Variants in FXR1 observed in about 807,000 individuals in gnomAD.
FXR1 encodes the protein FMR1 autosomal homolog 1.
In FXR1, 15 loss-of-function variants were observed where a neutral mutation model predicts 84.0. The observed-to-expected ratio is 0.18, with a 90% CI of 0.12 to 0.27. The LOEUF is 0.27. Among genes scored for constraint, FXR1 ranks in the 10% least tolerant of loss-of-function variants. FXR1 has a pLI of 1.00. For missense variants in FXR1, 480 were observed against 774.4 expected (o/e 0.62, Z 4.51); for synonymous variants, 245 against 250.7 (o/e 0.98, Z 0.21).
rs773513989 is a variant in FXR1, at chr3:180,968,047, C to T, written c.1199-4C>T. The T allele has an allele frequency of 1.2e-5, 19 of 1,590,928 alleles. No individual in the cohort carries two copies. Among genetic ancestry groups the T allele is most frequent in the Non-Finnish European group, 1.6e-5 (19 of 1,160,298 alleles). ...AAGTGGTTTATGTTCTTTTCTTTTC[C>T]AAGGTACAAATTCTGAGCTGTCTAA... On this transcript the variant is annotated splice_polypyrimidine_tract_variant and splice_region_variant and intron_variant, in intron 13 of 16. Transcript: ENST00000357559.
chr3:180,948,101 T>C (rs975509756), intron 4 of FXR1, 165 bp downstream of exon 4: 8 of 612,278 alleles, frequency 1.3e-5, no homozygotes, highest in African/African-American at 3.7e-5. Flanking sequence ...GTGTTCTGTA[T>C]TGGCAAACAC....
At chr3:180,923,346 C>T (rs911443081) in intron 1 of FXR1, among the ~76,000 whole-genome samples, 8 of 152,100 alleles carry the variant, frequency 5.3e-5, no homozygotes, top group Non-Finnish European at 7.4e-5. Context: ...ACAGAGATCT[C>T]GAGAAGGGAA....
intron 1 of FXR1, among the ~76,000 whole-genome samples, chr3:180,921,489 T>C (rs1718587039): frequency 6.6e-6 from 1 of 152,236 alleles, no homozygotes; most frequent in South Asian, 2.1e-4. Flanking sequence ...TTTTACTTTG[T>C]AGATTTAGTT....
intron 1 of FXR1, among the ~76,000 whole-genome samples, chr3:180,919,288 G>GTTTT (rs3071953): frequency 1.5e-5 from 2 of 135,652 alleles, no homozygotes; most frequent in East Asian, 2.1e-4. Flanking sequence ...TTTTATTTTT[G>GTTTT]TTTTTTTTTT....
At position 180,968,073 on chromosome 3, in the gene FXR1, C is replaced by T. The variant is rs1413280648; in HGVS notation, c.1221C>T (p.Asn407=). 6.2e-7 allele frequency: 1 copy of T among 1,611,358 alleles called. No homozygotes were observed. The highest frequency in any genetic ancestry group is 1.1e-5 in the South Asian group (1 of 91,044). The change falls in exon 14 of 17, where the codon AAC becomes AAT. Residue 407 remains asparagine, a synonymous_variant. Coordinates refer to ENST00000357559, the MANE Select transcript of FXR1 (RefSeq NM_005087.4). The part of the protein sequence containing the change: ...SGYGTNSELS[N]PSETESERKD... ...AAGGTACAAATTCTGAGCTGTCTAA[C>T]CCCTCTGAAACGGAATCTGAGCGTA...
In FXR1 at chr3:180,980,258, T is replaced by C. The variant is rs1316639596; in HGVS notation, c.*3966T>C. On this transcript the variant is annotated 3_prime_UTR_variant, in exon 17 of 17. Transcript: ENST00000357559. ...CCATCCCAGACATTTTCAACTATGCTGAATGCAATCTATAAGATATTCCAA... is the reference window on the plus strand; with the variant it reads ...CCATCCCAGACATTTTCAACTATGCCGAATGCAATCTATAAGATATTCCAA... The C allele has an allele frequency of 6.6e-6, 1 of 152,100 alleles. No homozygotes were observed. Among genetic ancestry groups the C allele is most frequent in the Non-Finnish European group, 1.5e-5 (1 of 67,966 alleles). The allele number at this position is 152,100 out of a possible 1,614,324, so 9.4% of individuals were successfully genotyped here. A position where few individuals can be genotyped will look rare whatever the true frequency, so the allele number is the denominator to read the frequency against.
chr3:180,937,102 A>G (rs974327235), intron 3 of FXR1, among the ~76,000 whole-genome samples: 36 of 152,188 alleles, frequency 2.4e-4, no homozygotes, highest in Non-Finnish European at 2.8e-4. Flanking sequence ...TGTATCTCTA[A>G]TAGTTTTCTG....
chr3:180,972,643 CAG>C (rs1315514858), intron 15 of FXR1, among the ~76,000 whole-genome samples: 1 of 152,102 alleles, frequency 6.6e-6, no homozygotes, highest in Non-Finnish European at 1.5e-5. Flanking sequence ...AAAGGAGTAA[CAG>C]TGGGGTTTGT....
chr3:180,926,495 TATATATA>T (rs1404504333), intron 1 of FXR1, among the ~76,000 whole-genome samples: 21 of 109,618 alleles, frequency 1.9e-4, no homozygotes, highest in Middle Eastern at 4.3e-3. Context: ...TATATATATA[TATATATA>T]TATATTTTTT....
intron 1 of FXR1, among the ~76,000 whole-genome samples, chr3:180,917,033 A>G (rs952490206): frequency 9.2e-5 from 14 of 151,820 alleles, no homozygotes; most frequent in African/African-American, 3.1e-4. Flanking sequence ...ACGGAGTTTC[A>G]CCATGTTGGC....
At chr3:180,945,456 G>A (rs1721599707) in intron 3 of FXR1, among the ~76,000 whole-genome samples, 1 of 152,014 alleles carries the variant, frequency 6.6e-6, no homozygotes, top group Non-Finnish European at 1.5e-5. Flanking sequence ...CCAGGGTTGA[G>A]TGTAGTGGTA....
At chr3:180,926,506 A>ATATATATTTTTTTTTTTTTTT (rs72192827) in intron 1 of FXR1, among the ~76,000 whole-genome samples, 1 of 124,394 alleles carries the variant, frequency 8.0e-6, no homozygotes, top group African/African-American at 2.9e-5. Flanking sequence ...ATATATATAT[A>ATATATATTTTTTTTTTTTTTT]TTTTTTTTTC....
At chr3:180,913,492 C>T (rs191873497) in intron 1 of FXR1, among the ~76,000 whole-genome samples, 3 of 152,016 alleles carry the variant, frequency 2.0e-5, no homozygotes, top group East Asian at 1.9e-4. Flanking sequence ...TATCACTGCC[C>T]CTGTTTTTGG....
chr3:180,919,113 C>T (rs1222461360), intron 1 of FXR1, among the ~76,000 whole-genome samples: 2 of 152,126 alleles, frequency 1.3e-5, no homozygotes, highest in Non-Finnish European at 2.9e-5. Flanking sequence ...ATGATTTGAG[C>T]TATGCCTTTG....
intron 8 of FXR1, among the ~76,000 whole-genome samples, chr3:180,952,942 C>G (rs972465958): frequency 3.3e-5 from 5 of 151,220 alleles, no homozygotes; most frequent in African/African-American, 9.7e-5. Flanking sequence ...AAGCCATCCT[C>G]TGGCCTCAGC....
Position 180,961,521 on chromosome 3 carries a change from G to C in FXR1, c.1044G>C (p.Gln348His), listed in dbSNP as rs1380164476. Residue 348 changes from glutamine (Q) to histidine (H), a missense_variant, in exon 11 of 17, where the codon CAG becomes CAC. By Grantham distance (24) the Gln-to-His change is conservative. This residue lies in a region of FXR1 where 33 missense variants were observed against 42.4 expected (regional missense o/e 0.78). Transcript: ENST00000357559. ...CTAAAGAAAGCATTGGAAATGTGCA[G>C]GTTCTTCTAGAGTATCATATTGCCT... ...VGTKESIGNV[Q>H]VLLEYHIAYL... is the part of the protein sequence containing the mutation. 1.3e-6 allele frequency: 2 copies of C among 1,557,584 alleles called. No homozygotes were observed. The highest frequency in any genetic ancestry group is 1.7e-4 in the Middle Eastern group (1 of 5,940).
At position 180,978,840 on chromosome 3, in the gene FXR1, G is replaced by T. The variant is rs1714461308; in HGVS notation, c.*2548G>T. 6.6e-6 allele frequency: 1 copy of T among 152,100 alleles called. No homozygotes were observed. Among genetic ancestry groups the T allele is most frequent in the African/African-American group, 2.4e-5 (1 of 41,436 alleles). 9.4% of individuals were successfully genotyped at this position (152,100 alleles called of 1,614,324 possible). On this transcript the variant is annotated 3_prime_UTR_variant, in exon 17 of 17. Transcript: ENST00000357559. ...GATTATATGGTGGCAAAAATGACCT[G>T]CTTTTCCTGAAGCTTTGGGAGGCCT...
chr3:180,924,772 GT>G (rs749809569), intron 1 of FXR1, among the ~76,000 whole-genome samples: 7 of 152,102 alleles, frequency 4.6e-5, no homozygotes, highest in Non-Finnish European at 1.0e-4. Context: ...GATTACAGGC[GT>G]GAGCCACCGT....
intron 1 of FXR1, among the ~76,000 whole-genome samples, chr3:180,925,121 T>A (rs1350268668): frequency 6.6e-6 from 1 of 152,024 alleles, no homozygotes; most frequent in Non-Finnish European, 1.5e-5. Context: ...CCCAGCACTT[T>A]GGGGGCTGAG....
Sources: gnomAD v4.1 joint callset for allele counts (sites outside exome capture counted in the v4.1 genomes callset) on GRCh38, gnomAD v4.1.1 for gene constraint, gnomAD v4.1.1 regional missense constraint, MANE v1.5 for transcripts, NCBI Gene and HGNC (gene_info 2026-07-23, HGNC 2026-07-21) for gene names.